LINGO2: variants seen among roughly 807,000 people sequenced by gnomAD.
The protein encoded by LINGO2 is leucine-rich repeat and immunoglobulin-like domain-containing nogo receptor-interacting protein 2.
LINGO2 carries 14 observed loss-of-function variants against 30.6 expected under a neutral mutation model. That is an observed-to-expected ratio of 0.46 (90% CI 0.30 to 0.72). The LOEUF (loss-of-function observed/expected upper bound fraction) is 0.72. Ranked by LOEUF, LINGO2 falls within the 30% of genes least tolerant of loss-of-function variation. LINGO2 has a pLI of 0.07. For missense variants in LINGO2, 729 were observed against 751.7 expected, an observed-to-expected ratio of 0.97 and a Z score of 0.35; for synonymous variants, 317 against 288.5, an observed-to-expected ratio of 1.10 and a Z score of -1.00.
the LINGO2 span, among the ~76,000 whole-genome samples, chr9:28,959,852 A>C: frequency 1.5e-4 from 23 of 152,310 alleles, no homozygotes; most frequent in South Asian, 4.8e-3. Flanking sequence ...GACTTTTAAT[A>C]TATACCAACT....
the LINGO2 span, among the ~76,000 whole-genome samples, chr9:28,974,067 T>C: frequency 0.65 from 98,959 of 152,050 alleles, 32,811 homozygotes; most frequent in Non-Finnish European, 0.72. Context: ...ATGAACCAAT[T>C]CAAAATAGTA....
chr9:28,500,405 T>C (rs538972353), intron 1 of LINGO2, among the ~76,000 whole-genome samples: 2 of 152,270 alleles, frequency 1.3e-5, no homozygotes, highest in South Asian at 4.1e-4. Context: ...AGCATTAATA[T>C]TCACTAGAAT....
chr9:28,997,759 C>T, the LINGO2 span, among the ~76,000 whole-genome samples: 1 of 151,878 alleles, frequency 6.6e-6, no homozygotes, highest in African/African-American at 2.4e-5. Flanking sequence ...GGAGGCACAG[C>T]TTGCAGTGAG....
the LINGO2 span, among the ~76,000 whole-genome samples, chr9:29,140,557 G>C: frequency 6.6e-6 from 1 of 151,658 alleles, no homozygotes; most frequent in Non-Finnish European, 1.5e-5. Flanking sequence ...CCATACAAAT[G>C]TATATATTAT....
At chr9:28,617,811 A>G (rs760194508) in intron 1 of LINGO2, among the ~76,000 whole-genome samples, 1 of 152,140 alleles carries the variant, frequency 6.6e-6, no homozygotes, top group Non-Finnish European at 1.5e-5. Flanking sequence ...CCTGTATTTC[A>G]TATTAACTAA....
intron 4 of LINGO2, among the ~76,000 whole-genome samples, chr9:28,096,192 G>A (rs907943012): frequency 6.6e-6 from 1 of 152,110 alleles, no homozygotes; most frequent in African/African-American, 2.4e-5. Context: ...TGGAATAATA[G>A]CATCTACCTC....
At chr9:29,074,441 C>T in the LINGO2 span, among the ~76,000 whole-genome samples, 1 of 152,104 alleles carries the variant, frequency 6.6e-6, no homozygotes, top group Non-Finnish European at 1.5e-5. Flanking sequence ...CTTCCTCTGG[C>T]TCCTTTTCTG....
intron 4 of LINGO2, among the ~76,000 whole-genome samples, chr9:28,189,245 G>GAGGAAGGAAGGAAGGAAGGGAGGAAGGA (rs1564028540): frequency 9.0e-6 from 1 of 110,820 alleles, no homozygotes; most frequent in Non-Finnish European, 1.9e-5. Flanking sequence ...AAAAGGAAGG[G>GAGGAAGGAAGGAAGGAAGGGAGGAAGGA]AGGAAGGGAG....
intron 4 of LINGO2, among the ~76,000 whole-genome samples, chr9:28,263,964 T>C (rs1015260298): frequency 2.6e-5 from 4 of 152,118 alleles, no homozygotes; most frequent in African/African-American, 9.6e-5. Context: ...ATGATTATTA[T>C]TTGTTACTTA....
the LINGO2 span, among the ~76,000 whole-genome samples, chr9:28,692,643 C>T: frequency 6.6e-6 from 1 of 152,078 alleles, no homozygotes; most frequent in African/African-American, 2.4e-5. Context: ...AAAACATAAT[C>T]CTGAAATATG....
chr9:28,705,324 C>A, the LINGO2 span, among the ~76,000 whole-genome samples: 1 of 152,074 alleles, frequency 6.6e-6, no homozygotes, highest in South Asian at 2.1e-4. Context: ...AGACAAATAA[C>A]AGTCCTATAA....
At chr9:28,772,892 C>T in the LINGO2 span, among the ~76,000 whole-genome samples, 6 of 152,266 alleles carry the variant, frequency 3.9e-5, no homozygotes, top group African/African-American at 1.4e-4. Context: ...CAGCTTAATC[C>T]AATTTGTCCA....
intron 4 of LINGO2, among the ~76,000 whole-genome samples, chr9:28,086,818 T>C (rs760520971): frequency 7.2e-5 from 11 of 152,114 alleles, no homozygotes; most frequent in Non-Finnish European, 1.2e-4. Flanking sequence ...GGCTATAATT[T>C]TATTGACATT....
chr9:28,930,224 C>T, the LINGO2 span, among the ~76,000 whole-genome samples: 1 of 151,962 alleles, frequency 6.6e-6, no homozygotes, highest in African/African-American at 2.4e-5. The surrounding 1 kb of genome is among the most constrained non-coding windows in gnomAD (Gnocchi z 4.2). Flanking sequence ...GCTTCCTCTG[C>T]CTGCCACACT....
At chr9:29,074,611 CATT>C in the LINGO2 span, among the ~76,000 whole-genome samples, 1 of 150,872 alleles carries the variant, frequency 6.6e-6, no homozygotes. Context: ...CAGATTTCAT[CATT>C]GTCTGTATTT....
intron 1 of LINGO2, among the ~76,000 whole-genome samples, chr9:28,619,968 A>C (rs999310337): frequency 6.6e-6 from 1 of 152,122 alleles, no homozygotes; most frequent in Non-Finnish European, 1.5e-5. Context: ...TACTTGAATT[A>C]TTGTTATGGT....
At chr9:28,738,780 T>C in the LINGO2 span, among the ~76,000 whole-genome samples, 14 of 152,060 alleles carry the variant, frequency 9.2e-5, no homozygotes, top group Non-Finnish European at 1.6e-4. Context: ...CACATCAAAA[T>C]GTAAAAGACA....
chr9:28,030,507 A>AAGCT (rs1231484175), intron 4 of LINGO2, among the ~76,000 whole-genome samples: 11 of 152,180 alleles, frequency 7.2e-5, no homozygotes, highest in Non-Finnish European at 1.0e-4. Context: ...ACTCCCTTAT[A>AAGCT]AGCTAAATAT....
At chr9:28,103,656 A>G (rs1201613502) in intron 4 of LINGO2, among the ~76,000 whole-genome samples, 1 of 152,180 alleles carries the variant, frequency 6.6e-6, no homozygotes, top group Non-Finnish European at 1.5e-5. Context: ...GCTTAGCCTA[A>G]TCAAGATTGC....
Sources: gnomAD v4.1 joint callset for allele counts (sites outside exome capture counted in the v4.1 genomes callset) on GRCh38, gnomAD v4.1.1 for gene constraint, Gnocchi (gnomAD v3.1) non-coding constraint, MANE v1.5 for transcripts, NCBI Gene and HGNC (gene_info 2026-07-23, HGNC 2026-07-21) for gene names.